Variants in MYO3B observed in about 807,000 individuals in gnomAD.
MYO3B encodes myosin-IIIb.
A neutral mutation model predicts 174.6 loss-of-function variants in MYO3B; 156 were observed. That is an observed-to-expected ratio of 0.89 (90% CI 0.78 to 1.02). The LOEUF is 1.02. Among genes scored for constraint, MYO3B ranks in the 50% least tolerant of loss-of-function variants. The probability of loss-of-function intolerance (pLI) is 0.00; values close to 1 mark genes in which losing one functional copy is unlikely to be tolerated. For synonymous variants in MYO3B, 563 were observed against 569.1 expected (o/e 0.99, Z 0.15); for missense variants, 1,632 against 1,639.4 (o/e 1.00, Z 0.08).
At chr2:170,595,461 CAG>C (rs1316825946) in intron 32 of MYO3B, among the ~76,000 whole-genome samples, 1 of 152,104 alleles carries the variant, frequency 6.6e-6, no homozygotes, top group Non-Finnish European at 1.5e-5. Context: ...TTTTATGAGA[CAG>C]AGTCTCACTC....
intron 8 of MYO3B, among the ~76,000 whole-genome samples, chr2:170,361,706 G>A (rs1160305296): frequency 6.6e-6 from 1 of 152,180 alleles, no homozygotes; most frequent in Non-Finnish European, 1.5e-5. Context: ...CTTGGCTCTG[G>A]CCTGGTTCAC....
At chr2:170,382,865 T>C (rs2094345740) in intron 10 of MYO3B, 1 of 453,876 alleles carries the variant, frequency 2.2e-6, no homozygotes, top group East Asian at 3.5e-5. Context: ...GGCCTAATTC[T>C]TTCAGTGTAT....
intron 25 of MYO3B, among the ~76,000 whole-genome samples, chr2:170,489,580 C>T (rs1260253174): frequency 6.6e-6 from 1 of 151,868 alleles, no homozygotes; most frequent in African/African-American, 2.4e-5. Context: ...TCTGTCTCCA[C>T]AGTTTACCTA....
intron 9 of MYO3B, among the ~76,000 whole-genome samples, chr2:170,373,219 G>A (rs970688113): frequency 6.6e-6 from 1 of 152,230 alleles, no homozygotes; most frequent in African/African-American, 2.4e-5. Context: ...AGAGAAGTGT[G>A]TTGGGGCCTA....
chr2:170,589,234 A>G (rs903679225), intron 32 of MYO3B, among the ~76,000 whole-genome samples: 7 of 152,222 alleles, frequency 4.6e-5, no homozygotes, highest in Non-Finnish European at 1.0e-4. Context: ...TCGATAATAC[A>G]GAGGATGTTC....
At chr2:170,270,823 G>A (rs2093420307) in intron 7 of MYO3B, among the ~76,000 whole-genome samples, 1 of 152,196 alleles carries the variant, frequency 6.6e-6, no homozygotes, top group African/African-American at 2.4e-5. Context: ...GCCATTGCAT[G>A]AACTTAAACA....
intron 1 of MYO3B, among the ~76,000 whole-genome samples, chr2:170,186,281 T>G (rs568719850): frequency 6.7e-6 from 1 of 149,470 alleles, no homozygotes. Context: ...TTTTATTGTA[T>G]TGGGGTATGT....
At chr2:170,499,966 CCTT>C (rs1313468534) in intron 27 of MYO3B, among the ~76,000 whole-genome samples, 158 bp downstream of exon 27, 2 of 136,232 alleles carry the variant, frequency 1.5e-5, no homozygotes, top group Non-Finnish European at 3.2e-5. Context: ...TTCCTTCCTT[CCTT>C]CTTTCCTTCC....
Position 170,383,748 on chromosome 2 carries a change from TC to T in MYO3B, c.1231del (p.His411ThrfsTer38). The T allele has an allele frequency of 9.3e-6, 15 of 1,612,650 alleles. No individual in the cohort carries two copies. The highest frequency in any genetic ancestry group is 1.3e-5 in the African/African-American group (1 of 74,946). ...LYHGVKRASN[P>X]PHIFASADAA... is the part of the protein sequence containing the mutation. ...ATCATGGGGTGAAACGCGCCTCCAA[TC>T]CCCCCCACATATTTGCATCAGCAGA... On this transcript the variant is annotated frameshift_variant, in exon 12 of 35. Coordinates refer to ENST00000408978, the MANE Select transcript of MYO3B (RefSeq NM_138995.5). LOFTEE classifies it high-confidence loss of function.
intron 30 of MYO3B, 102 bp downstream of exon 30, chr2:170,519,642 AT>A: frequency 9.6e-7 from 1 of 1,039,752 alleles, no homozygotes; most frequent in East Asian, 2.5e-5. Context: ...TTCTACCACT[AT>A]GGTATTTTGG....
chr2:170,401,738 C>T, intron 18 of MYO3B, 47 bp downstream of exon 18: 1 of 1,548,462 alleles, frequency 6.5e-7, no homozygotes, highest in Non-Finnish European at 8.9e-7. Flanking sequence ...TGTCATTGAC[C>T]CCGCCGTCTC....
chr2:170,497,931 G>A (rs1686986812), intron 25 of MYO3B, among the ~76,000 whole-genome samples: 1 of 116,414 alleles, frequency 8.6e-6, no homozygotes, highest in Non-Finnish European at 1.7e-5. Context: ...GGCAACAAGA[G>A]TGAAATTCTG....
chr2:170,221,425 G>C (rs2092899346), intron 6 of MYO3B, among the ~76,000 whole-genome samples: 1 of 152,022 alleles, frequency 6.6e-6, no homozygotes, highest in African/African-American at 2.4e-5. Context: ...CTACAAACCG[G>C]GTAGCTAATG....
chr2:170,191,994 A>G (rs1447573090), intron 1 of MYO3B, among the ~76,000 whole-genome samples: 1 of 152,056 alleles, frequency 6.6e-6, no homozygotes, highest in East Asian at 1.9e-4. Context: ...GGTTGATTGC[A>G]GTTTTATTTT....
At position 170,537,448 on chromosome 2, in the gene MYO3B, A is replaced by ATTTTTTTTTTTTTT. The variant is rs559086883; in HGVS notation, c.3576-5438_3576-5425dup. Among the ~76,000 whole-genome samples, 20 of 54,824 alleles carry ATTTTTTTTTTTTTT rather than the reference A, an allele frequency of 3.6e-4. 6 individuals carry two copies. Among genetic ancestry groups the ATTTTTTTTTTTTTT allele is most frequent in the African/African-American group, 1.2e-3 (15 of 12,282 alleles). The allele number at this position is 54,824 out of a possible 152,430, so 36.0% of individuals were successfully genotyped here. ...ACCTTCTCTTATTAAGAGCTCTTTGATTTTTTTTTTTTTTTTTTTTTTTTT... is the reference window on the plus strand; with the variant it reads ...ACCTTCTCTTATTAAGAGCTCTTTGATTTTTTTTTTTTTTTTTTTTTTTTTTTTTTTTTTTTTTT... On this transcript the variant is annotated intron_variant, in intron 30 of 34. Coordinates refer to ENST00000408978, the MANE Select transcript of MYO3B (RefSeq NM_138995.5).
intron 32 of MYO3B, among the ~76,000 whole-genome samples, chr2:170,633,718 C>T (rs1315872324): frequency 6.6e-6 from 1 of 152,198 alleles, no homozygotes; most frequent in Non-Finnish European, 1.5e-5. Context: ...TAGAAAACCC[C>T]ATTGTCTCAG....
chr2:170,513,773 GTTTA>G (rs1365435476), intron 28 of MYO3B, among the ~76,000 whole-genome samples: 1 of 152,140 alleles, frequency 6.6e-6, no homozygotes, highest in Non-Finnish European at 1.5e-5. Flanking sequence ...AGCTAGAAAT[GTTTA>G]TTTGGCCACT....
intron 32 of MYO3B, among the ~76,000 whole-genome samples, chr2:170,632,722 T>C (rs1053385126): frequency 7.9e-5 from 12 of 151,930 alleles, no homozygotes; most frequent in Admixed American, 7.9e-4. Flanking sequence ...ATCAATAAGA[T>C]TGATAGACTG....
At chr2:170,621,198 A>T (rs935124649) in intron 32 of MYO3B, among the ~76,000 whole-genome samples, 1 of 152,016 alleles carries the variant, frequency 6.6e-6, no homozygotes, top group Non-Finnish European at 1.5e-5. Flanking sequence ...CAACCATAGA[A>T]ATATTTTTGA....
Sources: gnomAD v4.1 joint callset for allele counts (sites outside exome capture counted in the v4.1 genomes callset) on GRCh38, gnomAD v4.1.1 for gene constraint, MANE v1.5 for transcripts, NCBI Gene and HGNC (gene_info 2026-07-23, HGNC 2026-07-21) for gene names.